The following SH3RF3 variants were observed in gnomAD, a reference collection of about 807,000 sequenced individuals.
The protein encoded by SH3RF3 is E3 ubiquitin-protein ligase SH3RF3.
In SH3RF3, 29 loss-of-function variants were observed where a neutral mutation model predicts 66.3. That is an observed-to-expected ratio of 0.44 (90% CI 0.33 to 0.60). The LOEUF (loss-of-function observed/expected upper bound fraction) is 0.60, where lower values mean the gene tolerates loss of function less well. Among genes scored for constraint, SH3RF3 ranks in the 20% least tolerant of loss-of-function variants. The pLI is 0.04. For synonymous variants in SH3RF3, 583 were observed against 532.0 expected, an observed-to-expected ratio of 1.10 and a Z score of -1.32; for missense variants, 1,194 against 1,190.9, an observed-to-expected ratio of 1.00 and a Z score of -0.04.
At position 109,498,931 on chromosome 2, in the gene SH3RF3, C is replaced by T. The variant is rs188614535; in HGVS notation, c.2481-2572C>T. ...CCTGAGGTGGGTGCACCTGGGGTCG[C>T]TAGGGCGCGGCAGGGCAGAGCTGGT... On this transcript the variant is annotated intron_variant, in intron 9 of 9. Coordinates refer to ENST00000309415, the MANE Select transcript of SH3RF3 (RefSeq NM_001099289.3). 5.9e-5 allele frequency among the ~76,000 whole-genome samples: 9 copies of T among 152,264 alleles called. No individual in the cohort carries two copies. The East Asian group carries it at 1.4e-3, about 23-fold the overall frequency.
At chr2:109,429,432 T>A (rs2104557868) in intron 5 of SH3RF3, among the ~76,000 whole-genome samples, 1 of 152,218 alleles carries the variant, frequency 6.6e-6, no homozygotes. Flanking sequence ...GAGTGAAGGA[T>A]TACTCATCAA....
At chr2:109,164,668 A>G (rs1157124565) in intron 1 of SH3RF3, among the ~76,000 whole-genome samples, 1 of 152,220 alleles carries the variant, frequency 6.6e-6, no homozygotes, top group Non-Finnish European at 1.5e-5. Context: ...ACTTACTTGT[A>G]TCAACTGCCA....
chr2:109,281,555 T>C (rs1437416706), intron 1 of SH3RF3, among the ~76,000 whole-genome samples: 3 of 152,164 alleles, frequency 2.0e-5, no homozygotes, highest in Non-Finnish European at 4.4e-5. Context: ...GGAGGGTGAT[T>C]CACTGTGGGA....
chr2:109,358,114 T>A (rs557887763), intron 2 of SH3RF3, among the ~76,000 whole-genome samples: 7 of 152,248 alleles, frequency 4.6e-5, no homozygotes, highest in Non-Finnish European at 8.8e-5. Flanking sequence ...GTTTTTCCTT[T>A]CCCAGAACGT....
intron 1 of SH3RF3, among the ~76,000 whole-genome samples, chr2:109,196,259 C>T (rs1678497089): frequency 6.6e-6 from 1 of 152,228 alleles, no homozygotes; most frequent in African/African-American, 2.4e-5. Context: ...CCTGCATCCG[C>T]TGCTCTCCTG....
intron 7 of SH3RF3, among the ~76,000 whole-genome samples, chr2:109,441,234 A>G (rs765321559): frequency 2.6e-5 from 4 of 152,196 alleles, no homozygotes; most frequent in Non-Finnish European, 4.4e-5. Context: ...AATATGACTT[A>G]TAATGAAGGG....
Position 109,437,124 on chromosome 2 carries a change from A to T in SH3RF3, c.1806A>T (p.Gln602His). ...LRHSAQPTAS[Q>H]ARSTISTAAH... is the part of the protein sequence containing the mutation. ...ACTCAGCCCAGCCAACGGCCAGCCAAGCCCGGAGCACCATTTCAACAGGTA... is the reference window on the plus strand; with the variant it reads ...ACTCAGCCCAGCCAACGGCCAGCCATGCCCGGAGCACCATTTCAACAGGTA... Residue 602 changes from glutamine to histidine, a missense_variant, in exon 7 of 10, where the codon CAA (glutamine) becomes CAT (histidine). Physicochemically the swap from Gln to His is conservative, Grantham distance 24. Coordinates refer to ENST00000309415, the MANE Select transcript of SH3RF3 (RefSeq NM_001099289.3). The T allele has an allele frequency of 6.2e-7, 1 of 1,612,140 alleles. No homozygotes were observed. Among genetic ancestry groups the T allele is most frequent in the Non-Finnish European group, 8.5e-7 (1 of 1,178,858 alleles).
intron 1 of SH3RF3, among the ~76,000 whole-genome samples, chr2:109,163,149 C>T (rs1677529474): frequency 6.6e-6 from 1 of 152,186 alleles, no homozygotes; most frequent in South Asian, 2.1e-4. Flanking sequence ...GCAAGGAGAT[C>T]CCACAGAGTC....
Position 109,277,199 on chromosome 2 carries a change from C to T in SH3RF3, c.574-70475C>T, listed in dbSNP as rs559684654. Reference sequence around the variant, plus strand: ...TAGAAACAGTTCCCAGAATTTCAGTCGCATCTGTGCCTGGTGTGCCCTGCA... The same window carrying T: ...TAGAAACAGTTCCCAGAATTTCAGTTGCATCTGTGCCTGGTGTGCCCTGCA... On this transcript the variant is annotated intron_variant, in intron 1 of 9. Coordinates refer to ENST00000309415, the MANE Select transcript of SH3RF3 (RefSeq NM_001099289.3). Among the ~76,000 whole-genome samples the T allele has an allele frequency of 4.3e-4, 66 of 152,256 alleles. 1 individual carries two copies. Among genetic ancestry groups the T allele is most frequent in the Admixed American group, 2.6e-4 (4 of 15,292 alleles).
In SH3RF3 at chr2:109,436,933, G is replaced by A. The variant is rs779131199; in HGVS notation, c.1615G>A (p.Val539Ile). ...GGCAGGGCCGCCCCGGAATAATGTAGTCGGAGGGTCTCCACTGGCCAAAGG... is the reference window on the plus strand; with the variant it reads ...GGCAGGGCCGCCCCGGAATAATGTAATCGGAGGGTCTCCACTGGCCAAAGG... ...GGAGPPRNNV[V>I]GGSPLAKGIT... Residue 539 changes from valine to isoleucine, a missense_variant, in exon 7 of 10, where the codon GTC (valine) becomes ATC (isoleucine). Physicochemically the swap from Val to Ile is conservative, Grantham distance 29. Transcript: ENST00000309415. The A allele has an allele frequency of 1.3e-5, 21 of 1,613,586 alleles. No homozygotes were observed. In the Admixed American group the frequency reaches 3.2e-4, roughly 24 times the overall value.
chr2:109,197,879 C>A (rs989361083), intron 1 of SH3RF3, among the ~76,000 whole-genome samples: 1 of 152,244 alleles, frequency 6.6e-6, no homozygotes, highest in African/African-American at 2.4e-5. Flanking sequence ...GCACAGAAGA[C>A]TGCACTTGCC....
intron 1 of SH3RF3, among the ~76,000 whole-genome samples, chr2:109,270,698 C>T (rs1680605301): frequency 6.6e-6 from 1 of 152,196 alleles, no homozygotes; most frequent in African/African-American, 2.4e-5. Context: ...CAGGTGGTGT[C>T]TGGAGCATCC....
chr2:109,210,668 T>C (rs894531628), intron 1 of SH3RF3, among the ~76,000 whole-genome samples: 16 of 152,134 alleles, frequency 1.1e-4, no homozygotes, highest in Non-Finnish European at 1.6e-4. Flanking sequence ...TCTGATGAGC[T>C]TACTCCAGGT....
At chr2:109,441,693 A>G (rs1677568006) in intron 7 of SH3RF3, among the ~76,000 whole-genome samples, 1 of 152,264 alleles carries the variant, frequency 6.6e-6, no homozygotes, top group South Asian at 2.1e-4. Context: ...AGTTTCAAAG[A>G]CAGTTGGTGA....
intron 1 of SH3RF3, among the ~76,000 whole-genome samples, chr2:109,196,893 G>A (rs1293110152): frequency 6.6e-6 from 1 of 152,168 alleles, no homozygotes; most frequent in Non-Finnish European, 1.5e-5. Context: ...GAGGACCCCG[G>A]CACATCATAG....
At chr2:109,283,095 C>T (rs914178863) in intron 1 of SH3RF3, among the ~76,000 whole-genome samples, 10 of 152,210 alleles carry the variant, frequency 6.6e-5, no homozygotes, top group Non-Finnish European at 1.3e-4. Flanking sequence ...TGGGCAGCAG[C>T]GGTGATGATG....
intron 5 of SH3RF3, among the ~76,000 whole-genome samples, chr2:109,427,574 C>T (rs970692082): frequency 2.0e-5 from 3 of 152,194 alleles, no homozygotes; most frequent in Non-Finnish European, 2.9e-5. Flanking sequence ...ACCACTGGCC[C>T]AGGTTCACAC....
chr2:109,372,194 G>A (rs1053518679), intron 3 of SH3RF3, among the ~76,000 whole-genome samples: 1 of 152,234 alleles, frequency 6.6e-6, no homozygotes, highest in African/African-American at 2.4e-5. Context: ...AAGGTGTTTT[G>A]AGGCTAATTC....
intron 7 of SH3RF3, among the ~76,000 whole-genome samples, chr2:109,441,533 A>G (rs549875893): frequency 3.7e-4 from 57 of 152,352 alleles, no homozygotes; most frequent in African/African-American, 1.3e-3. Flanking sequence ...TTGAAAAATG[A>G]ATGGAATCCG....
Sources: gnomAD v4.1 joint callset for allele counts (sites outside exome capture counted in the v4.1 genomes callset) on GRCh38, gnomAD v4.1.1 for gene constraint, MANE v1.5 for transcripts, NCBI Gene and HGNC (gene_info 2026-07-23, HGNC 2026-07-21) for gene names.